GNG2: variants seen among roughly 807,000 people sequenced by gnomAD.
GNG2 encodes G protein subunit gamma 2, also known as guanine nucleotide-binding protein G(I)/G(S)/G(O) subunit gamma-2.
A neutral mutation model predicts 5.5 loss-of-function variants in GNG2; 5 were observed. The observed-to-expected ratio is 0.91, with a 90% confidence interval of 0.48 to 1.92. GNG2 has a LOEUF of 1.92. Ranked by LOEUF, GNG2 falls within the 30% of genes most tolerant of loss-of-function variation. GNG2 has a pLI of 0.01. For synonymous variants in GNG2, 28 were observed against 32.0 expected, an observed-to-expected ratio of 0.88 and a Z score of 0.42; for missense variants, 55 against 88.4, an observed-to-expected ratio of 0.62 and a Z score of 1.52.
chr14:51,947,631 C>G (rs916670326), intron 2 of GNG2, among the ~76,000 whole-genome samples: 8 of 152,106 alleles, frequency 5.3e-5, no homozygotes, highest in African/African-American at 1.9e-4. Flanking sequence ...CCAGTGAGAC[C>G]CATTTGAGAC....
intron 2 of GNG2, among the ~76,000 whole-genome samples, chr14:51,834,027 T>C (rs1594828455): frequency 6.6e-6 from 1 of 152,162 alleles, no homozygotes; most frequent in Non-Finnish European, 1.5e-5. Context: ...TTAGTAAACA[T>C]GGCCCCTGCT....
chr14:51,877,146 A>T (rs190654528), intron 1 of GNG2, among the ~76,000 whole-genome samples: 1 of 152,286 alleles, frequency 6.6e-6, no homozygotes, highest in African/African-American at 2.4e-5. Flanking sequence ...CCACCCTCCT[A>T]AAGGGCCAGA....
At chr14:51,884,004 G>A (rs914511378) in intron 2 of GNG2, among the ~76,000 whole-genome samples, 2 of 151,802 alleles carry the variant, frequency 1.3e-5, no homozygotes, top group African/African-American at 4.8e-5. Flanking sequence ...AAATAAAAGC[G>A]TTTTTTTCCC....
intron 2 of GNG2, among the ~76,000 whole-genome samples, chr14:51,940,995 C>A (rs1229503095): frequency 6.6e-6 from 1 of 151,600 alleles, no homozygotes; most frequent in African/African-American, 2.4e-5. Context: ...TATATATTAT[C>A]TAATATTAGT....
intron 2 of GNG2, among the ~76,000 whole-genome samples, chr14:51,941,825 A>G (rs1888331765): frequency 6.6e-6 from 1 of 152,150 alleles, no homozygotes; most frequent in Non-Finnish European, 1.5e-5. Flanking sequence ...CCTATTTTTC[A>G]TGTTTCTTGT....
rs1186574251 is a variant in GNG2 at position 51,903,319 on chromosome 14, G to A, written c.-30+25662G>A. On this transcript the variant is annotated intron_variant, in intron 2 of 3. Coordinates refer to ENST00000556766, the MANE Select transcript of GNG2 (RefSeq NM_053064.5). ...CACACAGAAAACAAGGTTATATGTT[G>A]ATTGGTTGACCAAAATGTTTAACAG... 3.9e-5 allele frequency among the ~76,000 whole-genome samples: 6 copies of A among 152,314 alleles called. No homozygotes were observed. The East Asian group carries it at 9.6e-4, about 24-fold the overall frequency.
At chr14:51,939,381 C>T (rs1186886898) in intron 2 of GNG2, among the ~76,000 whole-genome samples, 6 of 152,130 alleles carry the variant, frequency 3.9e-5, no homozygotes, top group African/African-American at 1.4e-4. Flanking sequence ...AACAGCTAAC[C>T]AATGACCCTC....
chr14:51,875,464 T>C (rs2357246), intron 1 of GNG2, among the ~76,000 whole-genome samples: 43,659 of 152,124 alleles, frequency 0.29, 7,590 homozygotes, highest in Non-Finnish European at 0.4. Flanking sequence ...ATTAAAACCA[T>C]GGAAGAAGAC....
At chr14:51,895,044 G>GAAA (rs11428089) in intron 2 of GNG2, among the ~76,000 whole-genome samples, 2 of 148,388 alleles carry the variant, frequency 1.3e-5, no homozygotes, top group Non-Finnish European at 1.5e-5. Flanking sequence ...AAAAGAATAG[G>GAAA]AAAAAAAAAA....
rs17124796 is a variant in GNG2 at position 51,966,517 on chromosome 14, G to A, written c.88-42G>A. Reference sequence around the variant, plus strand: ...CTAAAGCCTTGGGCCTTGACTGACTGTACCAGACTCCAGTGTTGGTTGTTT... The same window carrying A: ...CTAAAGCCTTGGGCCTTGACTGACTATACCAGACTCCAGTGTTGGTTGTTT... On this transcript the variant is annotated intron_variant, in intron 3 of 3. Coordinates refer to ENST00000556766, the MANE Select transcript of GNG2 (RefSeq NM_053064.5). 9,190 of 1,596,710 alleles carry A rather than the reference G, an allele frequency of 5.8e-3. 390 individuals carry two copies. In the African/African-American group the frequency reaches 0.1, roughly 17 times the overall value.
intron 2 of GNG2, among the ~76,000 whole-genome samples, chr14:51,838,659 C>T (rs983049984): frequency 5.3e-5 from 8 of 152,280 alleles, no homozygotes; most frequent in Non-Finnish European, 1.0e-4. Context: ...AAGCACAATA[C>T]TCCCTAATAA....
chr14:51,861,748 C>T (rs766373746), intron 1 of GNG2, among the ~76,000 whole-genome samples: 34 of 152,124 alleles, frequency 2.2e-4, no homozygotes, highest in South Asian at 6.2e-4. Context: ...CAGATGAGAA[C>T]TGAGATTGTG....
chr14:51,945,258 A>G (rs1385367923), intron 2 of GNG2, among the ~76,000 whole-genome samples: 1 of 152,224 alleles, frequency 6.6e-6, no homozygotes, highest in Non-Finnish European at 1.5e-5. Context: ...CAGTAGTCAT[A>G]GTAGCTAAAA....
At chr14:51,954,987 A>AGGAATG (rs1159503361) in intron 3 of GNG2, among the ~76,000 whole-genome samples, 2 of 152,192 alleles carry the variant, frequency 1.3e-5, no homozygotes, top group Admixed American at 6.5e-5. Flanking sequence ...GCCCATGTAG[A>AGGAATG]GGAATGGGAA....
chr14:51,952,794 C>T (rs1889066187), intron 3 of GNG2, among the ~76,000 whole-genome samples: 2 of 152,196 alleles, frequency 1.3e-5, no homozygotes, highest in East Asian at 1.9e-4. Context: ...GCAATTCCAT[C>T]TCAATACATC....
chr14:51,841,394 G>A (rs1881476912), intron 2 of GNG2: 3 of 547,094 alleles, frequency 5.5e-6, no homozygotes, highest in East Asian at 5.7e-5. Flanking sequence ...TTTAGAGGCT[G>A]CACCAAACAA....
chr14:51,871,512 A>C (rs1300699289), intron 1 of GNG2, among the ~76,000 whole-genome samples: 3 of 152,318 alleles, frequency 2.0e-5, no homozygotes, highest in Admixed American at 6.5e-5. Context: ...CAGTTTCTTC[A>C]TCTATAATGG....
intron 2 of GNG2, among the ~76,000 whole-genome samples, chr14:51,931,645 A>G (rs1180207705): frequency 6.6e-6 from 1 of 152,180 alleles, no homozygotes; most frequent in Non-Finnish European, 1.5e-5. Context: ...AGAGACTGAG[A>G]AAGAAATGAC....
intron 2 of GNG2, among the ~76,000 whole-genome samples, chr14:51,832,988 G>T (rs1953871): frequency 0.23 from 35,366 of 151,960 alleles, 4,740 homozygotes; most frequent in African/African-American, 0.36. Flanking sequence ...AACAAGGAAG[G>T]TACACAATCA....
Sources: gnomAD v4.1 joint callset for allele counts (sites outside exome capture counted in the v4.1 genomes callset) on GRCh38, gnomAD v4.1.1 for gene constraint, MANE v1.5 for transcripts, NCBI Gene and HGNC (gene_info 2026-07-23, HGNC 2026-07-21) for gene names.